The following CLN3 variants were observed in gnomAD, a reference collection of about 807,000 sequenced individuals.
CLN3 encodes the protein battenin.
CLN3 carries 49 observed loss-of-function variants against 60.7 expected under a neutral mutation model. The observed-to-expected ratio is 0.81, with a 90% CI of 0.64 to 1.02. CLN3 has a LOEUF of 1.02. Among genes scored for constraint, CLN3 ranks in the 50% least tolerant of loss-of-function variants. CLN3 has a pLI of 0.00. For synonymous variants in CLN3, 256 were observed against 245.8 expected (o/e 1.04, Z -0.39); for missense variants, 516 against 557.4 (o/e 0.93, Z 0.75).
intron 3 of CLN3, among the ~76,000 whole-genome samples, chr16:28,490,057 C>CAAA (rs34443652): frequency 3.2e-4 from 34 of 106,760 alleles, no homozygotes; most frequent in African/African-American, 5.9e-4. Context: ...GACTCTATCT[C>CAAA]AAAAAAAAAA....
chr16:28,491,797 A>G lies in CLN3; in HGVS notation c.-38T>C, dbSNP rs1368554528. ...AGGTCCCCCGAGGGTCCAGGGTCAT[A>G]GAGTGTCCAAAGGGGGCTCCCACGG... On this transcript the variant is annotated 5_prime_UTR_variant, in exon 2 of 16. Transcript: ENST00000636147. The G allele has an allele frequency of 1.9e-6, 3 of 1,611,382 alleles. No homozygotes were observed. The highest frequency in any genetic ancestry group is 1.7e-5 in the Admixed American group (1 of 59,928).
At chr16:28,484,945 T>C (rs966709140) in intron 9 of CLN3, 3 of 151,018 alleles carry the variant, frequency 2.0e-5, no homozygotes, top group African/African-American at 7.3e-5. Flanking sequence ...TAGTTCAAAG[T>C]GTGTGTTTTT....
At chr16:28,482,695 G>A in intron 10 of CLN3, 23 bp from the exon 11 acceptor site, 1 of 1,614,078 alleles carries the variant, frequency 6.2e-7, no homozygotes. Context: ...AGAGAGAGAA[G>A]GGCAGATGAA....
At chr16:28,480,503 C>T (rs1021721093) in intron 14 of CLN3, among the ~76,000 whole-genome samples, 4 of 152,074 alleles carry the variant, frequency 2.6e-5, no homozygotes, top group Non-Finnish European at 2.9e-5. Context: ...GGAGTTCAAG[C>T]AATTCTCCTG....
intron 14 of CLN3, among the ~76,000 whole-genome samples, chr16:28,478,627 A>T (rs1188723365): frequency 8.8e-5 from 7 of 79,270 alleles, no homozygotes; most frequent in Non-Finnish European, 2.3e-4. Flanking sequence ...TAAAAAAAAA[A>T]AAAAAAAAAA....
chr16:28,489,386 C>T lies in CLN3; in HGVS notation c.126G>A (p.Trp42Ter), dbSNP rs781617143. The T allele has an allele frequency of 1.9e-6, 3 of 1,608,418 alleles. No individual in the cohort carries two copies. The highest frequency in any genetic ancestry group is 2.5e-6 in the Non-Finnish European group (3 of 1,176,908). The part of the protein sequence containing the change: ...GAHWKNAVGF[W>*]LLGLCNNFSY... Reference sequence around the variant, plus strand: ...AGAAGTTGTTGCAAAGGCCCAGCAGCCTGGAAGGAGCAGGACAGGTCTCAA... The same window carrying T: ...AGAAGTTGTTGCAAAGGCCCAGCAGTCTGGAAGGAGCAGGACAGGTCTCAA... The change falls in exon 4 of 16, where the codon TGG (tryptophan) becomes TGA (stop). Residue 42 changes from tryptophan (W) to a stop codon, truncating the protein, a stop_gained and splice_region_variant. Transcript: ENST00000636147. LOFTEE classifies it high-confidence loss of function.
intron 14 of CLN3, among the ~76,000 whole-genome samples, chr16:28,478,617 TAAA>T (rs766238150): frequency 1.3e-5 from 1 of 74,356 alleles, no homozygotes; most frequent in Non-Finnish European, 2.3e-5. Flanking sequence ...TCCTGTCTCA[TAAA>T]AAAAAAAAAA....
intron 10 of CLN3, 92 bp from the exon 11 acceptor site, chr16:28,482,764 G>A (rs2048875005): frequency 3.0e-6 from 4 of 1,343,318 alleles, no homozygotes; most frequent in African/African-American, 2.9e-5. Flanking sequence ...ACCAGACCAC[G>A]CAACAGTGGG....
chr16:28,479,479 C>T (rs1657277075), intron 14 of CLN3: 1 of 152,620 alleles, frequency 6.6e-6, no homozygotes, highest in Admixed American at 6.6e-5. Flanking sequence ...CCCAGCTACG[C>T]AGGAGGCTGA....
intron 2 of CLN3, 23 bp from the exon 3 acceptor site, chr16:28,491,583 T>C (rs1007059658): frequency 1.2e-6 from 2 of 1,613,750 alleles, no homozygotes; most frequent in Non-Finnish European, 1.7e-6. Flanking sequence ...GAAGAGGGCA[T>C]GACCCCCACC....
In CLN3 at chr16:28,482,266, C is replaced by T. The variant is rs927361831; in HGVS notation, c.962+61G>A. On this transcript the variant is annotated intron_variant, in intron 13 of 15. Coordinates refer to ENST00000636147, the MANE Select transcript of CLN3 (RefSeq NM_001042432.2). ...ACCATCCCGCTCCCCCCGGTGCCTACTGGGCAGGGCAGCTGCATCACCACG... is the reference window on the plus strand; with the variant it reads ...ACCATCCCGCTCCCCCCGGTGCCTATTGGGCAGGGCAGCTGCATCACCACG... 175 of 1,604,722 alleles carry T rather than the reference C, an allele frequency of 1.1e-4. 3 individuals are homozygous for T. The East Asian group carries it at 3.8e-3, about 35-fold the overall frequency.
intron 9 of CLN3, among the ~76,000 whole-genome samples, chr16:28,485,972 T>C (rs1223188682): frequency 1.3e-5 from 2 of 151,430 alleles, no homozygotes; most frequent in Non-Finnish European, 3.0e-5. Flanking sequence ...AAGATTGCAA[T>C]CATAATCAAG....
intron 14 of CLN3, among the ~76,000 whole-genome samples, chr16:28,478,856 C>T (rs1253057239): frequency 6.6e-6 from 1 of 151,914 alleles, no homozygotes; most frequent in Non-Finnish European, 1.5e-5. Flanking sequence ...GCCAAACATC[C>T]GCTGGGCAGC....
intron 15 of CLN3, 22 bp from the exon 16 acceptor site, chr16:28,477,657 G>C (rs923628791): frequency 1.2e-6 from 2 of 1,614,024 alleles, no homozygotes; most frequent in Admixed American, 1.7e-5. Flanking sequence ...GAGAGCAGGG[G>C]TGAGGCTTCA....
chr16:28,486,164 ATTG>A (rs1364638301), intron 9 of CLN3, among the ~76,000 whole-genome samples, 180 bp downstream of exon 9: 1 of 151,802 alleles, frequency 6.6e-6, no homozygotes, highest in Non-Finnish European at 1.5e-5. Flanking sequence ...CACCTGGCTA[ATTG>A]TTGTATTTTT....
intron 14 of CLN3, among the ~76,000 whole-genome samples, chr16:28,478,101 C>G (rs2046027233): frequency 6.6e-6 from 1 of 152,020 alleles, no homozygotes; most frequent in African/African-American, 2.4e-5. Flanking sequence ...ATTTCGAGAC[C>G]AGCCTGGCCT....
At chr16:28,486,200 G>A in intron 9 of CLN3, 147 bp downstream of exon 9, 4 of 990,598 alleles carry the variant, frequency 4.0e-6, no homozygotes, top group South Asian at 1.4e-5. Flanking sequence ...GTTTCACCAT[G>A]TTGGCCAGGC....
In CLN3 at chr16:28,489,394, G is replaced by C; in HGVS notation, c.126-8C>G. Reference sequence around the variant, plus strand: ...TTGCAAAGGCCCAGCAGCCTGGAAGGAGCAGGACAGGTCTCAACTCCCTCC... The same window carrying C: ...TTGCAAAGGCCCAGCAGCCTGGAAGCAGCAGGACAGGTCTCAACTCCCTCC... On this transcript the variant is annotated splice_region_variant and splice_polypyrimidine_tract_variant and intron_variant, in intron 3 of 15. Coordinates refer to ENST00000636147, the MANE Select transcript of CLN3 (RefSeq NM_001042432.2). The C allele has an allele frequency of 6.2e-7, 1 of 1,601,206 alleles. No individual in the cohort carries two copies. Among genetic ancestry groups the C allele is most frequent in the South Asian group, 1.1e-5 (1 of 89,440 alleles).
intron 7 of CLN3, 73 bp downstream of exon 7, chr16:28,487,383 G>A: frequency 8.2e-7 from 1 of 1,226,636 alleles, no homozygotes. Flanking sequence ...TGGGAGGCTG[G>A]GGAGACTCTT....
Sources: gnomAD v4.1 joint callset for allele counts (sites outside exome capture counted in the v4.1 genomes callset) on GRCh38, gnomAD v4.1.1 for gene constraint, MANE v1.5 for transcripts, NCBI Gene and HGNC (gene_info 2026-07-23, HGNC 2026-07-21) for gene names.